NBR1: variants seen among roughly 807,000 people sequenced by gnomAD.
The protein encoded by NBR1 is NBR1 autophagy cargo receptor.
NBR1 carries 59 observed loss-of-function variants against 115.5 expected under a neutral mutation model. That is an observed-to-expected ratio of 0.51 (90% confidence interval 0.41 to 0.63). The LOEUF (loss-of-function observed/expected upper bound fraction) is 0.63, where lower values mean the gene tolerates loss of function less well. NBR1 is among the 30% of genes least tolerant of loss of function. The pLI is 0.00. For missense variants in NBR1, 1,043 were observed against 1,150.5 expected, an observed-to-expected ratio of 0.91 and a Z score of 1.35; for synonymous variants, 373 against 414.7, an observed-to-expected ratio of 0.90 and a Z score of 1.22.
chr17:43,192,029 T>TTC (rs2056960133), intron 10 of NBR1, among the ~76,000 whole-genome samples: 1 of 147,374 alleles, frequency 6.8e-6, no homozygotes, highest in Non-Finnish European at 1.5e-5. Flanking sequence ...GCTTTTTTTT[T>TTC]TTTTTTTTTG....
At chr17:43,181,176 A>G (rs1255721470) in intron 5 of NBR1, among the ~76,000 whole-genome samples, 1 of 152,182 alleles carries the variant, frequency 6.6e-6, no homozygotes, top group Non-Finnish European at 1.5e-5. Context: ...CTGGCCTAAA[A>G]TATTTATTGA....
chr17:43,180,453 A>G lies in NBR1; in HGVS notation c.185-342A>G, dbSNP rs909790773. 6.6e-5 allele frequency among the ~76,000 whole-genome samples: 10 copies of G among 152,322 alleles called. No individual in the cohort carries two copies. The South Asian group carries it at 1.0e-3, about 16-fold the overall frequency. The stretch of plus-strand genomic sequence containing the variant: ...ATCTTATGGGATCACCATCATACAC[A>G]TGGTTGACCAAAATGTTATGTGGCA... On this transcript the variant is annotated intron_variant, in intron 4 of 20. Coordinates refer to ENST00000590996, the MANE Select transcript of NBR1 (RefSeq NM_005899.5).
chr17:43,199,414 C>A (rs1448687217), intron 16 of NBR1, among the ~76,000 whole-genome samples: 2 of 150,314 alleles, frequency 1.3e-5, no homozygotes, highest in African/African-American at 4.9e-5. Flanking sequence ...GTCTCTGTCA[C>A]CCAGGCTGGA....
chr17:43,186,520 A>C, intron 6 of NBR1, 76 bp downstream of exon 6: 1 of 1,243,816 alleles, frequency 8.0e-7, no homozygotes, highest in Non-Finnish European at 1.1e-6. Flanking sequence ...AGGTTTCTTT[A>C]TTTTATTTTT....
intron 20 of NBR1, among the ~76,000 whole-genome samples, chr17:43,204,859 G>A (rs887060129): frequency 6.8e-6 from 1 of 148,092 alleles, no homozygotes; most frequent in African/African-American, 2.5e-5. Flanking sequence ...TACAGTCCCA[G>A]TTACTTGGGA....
Position 43,200,227 on chromosome 17 carries a change from C to A in NBR1, c.2087C>A (p.Ala696Asp). 1.3e-6 allele frequency: 2 copies of A among 1,551,720 alleles called. No homozygotes were observed. The highest frequency in any genetic ancestry group is 1.7e-6 in the Non-Finnish European group (2 of 1,146,964). Residue 696 changes from alanine (A) to aspartate (D), a missense_variant, in exon 17 of 21, where the codon GCT becomes GAT. Ala to Asp is a moderately radical substitution (Grantham distance 126). Coordinates refer to ENST00000590996, the MANE Select transcript of NBR1 (RefSeq NM_005899.5). ...GNEKEEIIHI[A>D]EEEAVMEEEE... ...GAGAAGGAGGAGATTATCCATATCG[C>A]TGAGGAAGAAGCTGTCATGGAGGAG...
chr17:43,204,578 G>T (rs1329221365), intron 20 of NBR1, among the ~76,000 whole-genome samples: 1 of 151,896 alleles, frequency 6.6e-6, no homozygotes, highest in African/African-American at 2.4e-5. Flanking sequence ...CACTTTGGGA[G>T]GCCGAGGCAG....
At chr17:43,194,876 C>T (rs763445055) in intron 13 of NBR1, 88 bp from the exon 14 acceptor site, 35 of 964,222 alleles carry the variant, frequency 3.6e-5, no homozygotes, top group African/African-American at 6.6e-5. Flanking sequence ...GAGTTGAATA[C>T]GAAATGATGT....
chr17:43,194,814 C>T, intron 13 of NBR1, 150 bp from the exon 14 acceptor site: 1 of 656,434 alleles, frequency 1.5e-6, no homozygotes, highest in Admixed American at 3.1e-5. Context: ...ATCTAATTCC[C>T]ATTTAACTCT....
At position 43,186,330 on chromosome 17, in the gene NBR1, T is replaced by C; in HGVS notation, c.288T>C (p.Val96=). The C allele has an allele frequency of 6.3e-7, 1 of 1,595,252 alleles. No individual in the cohort carries two copies. The highest frequency in any genetic ancestry group is 8.5e-7 in the Non-Finnish European group (1 of 1,170,914). Residue 96 remains valine, a synonymous_variant, in exon 6 of 21, where the codon GTT becomes GTC. Transcript: ENST00000590996. ...TCGTTGATGAAGCCCCACCCCCAGT[T>C]GTAGGAGCAAAACGACTAGCTGCCA... ...HHVVDEAPPP[V]VGAKRLAARA...
intron 7 of NBR1, 97 bp downstream of exon 7, chr17:43,189,216 G>A (rs2056888395): frequency 8.0e-6 from 7 of 873,826 alleles, no homozygotes; most frequent in South Asian, 7.9e-5. Context: ...GCTGCCTCTA[G>A]TACCGGTGAA....
At chr17:43,175,946 AT>A in intron 2 of NBR1, 45 bp downstream of exon 2, 6 of 1,130,116 alleles carry the variant, frequency 5.3e-6, no homozygotes, top group Non-Finnish European at 7.9e-6. Context: ...AAGCATGGTT[AT>A]TTTTTCCAAA....
Position 43,202,691 on chromosome 17 carries a change from A to C in NBR1, c.2600A>C (p.Gln867Pro). ...TCATCAGGACTTGTAAACAGCAGAC[A>C]GAAGAGCTATGACCACTCAAGGTAA... ...RGSSGLVNSR[Q>P]KSYDHSRHHH... Residue 867 changes from glutamine to proline, a missense_variant, in exon 19 of 21, where the codon CAG (glutamine) becomes CCG (proline). Coordinates refer to ENST00000590996, the MANE Select transcript of NBR1 (RefSeq NM_005899.5). 1.3e-6 allele frequency: 2 copies of C among 1,576,676 alleles called. No homozygotes were observed. The highest frequency in any genetic ancestry group is 1.7e-6 in the Non-Finnish European group (2 of 1,159,664).
At chr17:43,193,748 AAGGTT>A in intron 12 of NBR1, 110 bp downstream of exon 12, 1 of 1,217,658 alleles carries the variant, frequency 8.2e-7, no homozygotes, top group East Asian at 2.6e-5. Flanking sequence ...GAAACCTTGA[AAGGTT>A]AGCATCTCCC....
chr17:43,197,444 G>A (rs987859392), intron 16 of NBR1, among the ~76,000 whole-genome samples: 7 of 151,920 alleles, frequency 4.6e-5, no homozygotes, highest in East Asian at 3.9e-4. Flanking sequence ...GCATGAACCC[G>A]GGAGGCGGAG....
chr17:43,209,456 G>C, intron 20 of NBR1: 1 of 906,556 alleles, frequency 1.1e-6, no homozygotes, highest in Non-Finnish European at 1.7e-6. Flanking sequence ...TTTTTGTCCA[G>C]CTCCTCTGCA....
chr17:43,171,458 T>C (rs555040102), intron 1 of NBR1, among the ~76,000 whole-genome samples, 156 bp downstream of exon 1: 4 of 152,330 alleles, frequency 2.6e-5, no homozygotes, highest in Non-Finnish European at 5.9e-5. Context: ...GAGCCCTTCA[T>C]GTTCAGAGGG....
chr17:43,209,684 T>TC (rs1300794380), intron 20 of NBR1: 1 of 1,535,446 alleles, frequency 6.5e-7, no homozygotes, highest in East Asian at 2.4e-5. Flanking sequence ...TTCTCCTCCT[T>TC]CAAGTACACA....
At chr17:43,179,908 C>T (rs984103556) in intron 4 of NBR1, among the ~76,000 whole-genome samples, 3 of 90,958 alleles carry the variant, frequency 3.3e-5, no homozygotes, top group South Asian at 5.1e-4. Context: ...ACTCTCAGTG[C>T]GTAAATGTGA....
Sources: gnomAD v4.1 joint callset for allele counts (sites outside exome capture counted in the v4.1 genomes callset) on GRCh38, gnomAD v4.1.1 for gene constraint, MANE v1.5 for transcripts, NCBI Gene and HGNC (gene_info 2026-07-23, HGNC 2026-07-21) for gene names.